Variants in MCCC1 observed in about 807,000 individuals in gnomAD.
MCCC1 encodes the protein methylcrotonyl-CoA carboxylase subunit 1, also known as methylcrotonoyl-CoA carboxylase subunit alpha, mitochondrial.
Under a neutral mutation model 83.8 loss-of-function variants are expected in MCCC1, and 64 were observed. The observed-to-expected ratio is 0.76, with a 90% confidence interval of 0.62 to 0.94. MCCC1 has a LOEUF of 0.94. MCCC1 is among the 40% of genes least tolerant of loss of function. The pLI, the probability that MCCC1 is intolerant of heterozygous loss-of-function variation, is 0.00. For synonymous variants in MCCC1, 322 were observed against 315.4 expected, an observed-to-expected ratio of 1.02 and a Z score of -0.22; for missense variants, 807 against 904.7, an observed-to-expected ratio of 0.89 and a Z score of 1.39.
rs1715507310 is a variant in MCCC1 at position 183,057,438 on chromosome 3, C to T, written c.762-16G>A. On this transcript the variant is annotated splice_polypyrimidine_tract_variant and intron_variant, in intron 7 of 18. Transcript: ENST00000265594. ...TTCTACATGCCTATATAAAAGCAAACATGTATGTTAATATATTTGTTAGGG... is the reference window on the plus strand; with the variant it reads ...TTCTACATGCCTATATAAAAGCAAATATGTATGTTAATATATTTGTTAGGG... 1 of 1,563,216 alleles carries T rather than the reference C, an allele frequency of 6.4e-7. No homozygotes were observed.
intron 3 of MCCC1, among the ~76,000 whole-genome samples, chr3:183,089,337 G>A (rs1004844316): frequency 6.6e-6 from 1 of 152,166 alleles, no homozygotes; most frequent in African/African-American, 2.4e-5. Flanking sequence ...TACTTAGGAG[G>A]CTGCAGCATT....
chr3:183,024,319 C>A (rs1712407174), intron 15 of MCCC1, among the ~76,000 whole-genome samples: 1 of 152,014 alleles, frequency 6.6e-6, no homozygotes, highest in South Asian at 2.1e-4. Flanking sequence ...CTCATAAGTA[C>A]ACAGTGGAAT....
At chr3:183,051,764 G>T (rs1714998246) in intron 9 of MCCC1, among the ~76,000 whole-genome samples, 1 of 143,250 alleles carries the variant, frequency 7.0e-6, no homozygotes, top group South Asian at 2.3e-4. Context: ...TGTGTGTTGG[G>T]GGGTATCCGA....
Position 183,059,062 on chromosome 3 carries a change from C to T in MCCC1, c.762-1640G>A, listed in dbSNP as rs535254788. Among the ~76,000 whole-genome samples, 41 of 152,278 alleles carry T rather than the reference C, an allele frequency of 2.7e-4. 1 individual carries two copies. The South Asian group carries it at 7.9e-3, about 29-fold the overall frequency. ...TTGGTGCACACCTGTAATCCCAGCACTTTGGGAAGCCAAGGCAGGCAGATC... is the reference window on the plus strand; with the variant it reads ...TTGGTGCACACCTGTAATCCCAGCATTTTGGGAAGCCAAGGCAGGCAGATC... On this transcript the variant is annotated intron_variant, in intron 7 of 18. Transcript: ENST00000265594.
Position 183,015,480 on chromosome 3 carries a change from G to C in MCCC1, c.2136C>G (p.Val712=). ...GAQANRHTPL[V]EFEEEESDKR... Reference sequence around the variant, plus strand: ...TGTCTGATTCTTCCTCCTCAAACTCGACTAAAGGAGTGTGTCTGTTGGCCT... The same window carrying C: ...TGTCTGATTCTTCCTCCTCAAACTCCACTAAAGGAGTGTGTCTGTTGGCCT... Residue 712 remains valine (V), a synonymous_variant, in exon 19 of 19, where the codon GTC becomes GTG. Transcript: ENST00000265594. 6.2e-7 allele frequency: 1 copy of C among 1,614,056 alleles called. No homozygotes were observed. The highest frequency in any genetic ancestry group is 8.5e-7 in the Non-Finnish European group (1 of 1,180,002).
At chr3:183,060,510 GC>G (rs1354272867) in intron 7 of MCCC1, among the ~76,000 whole-genome samples, 2 of 152,182 alleles carry the variant, frequency 1.3e-5, no homozygotes, top group African/African-American at 4.8e-5. Flanking sequence ...CAGCTATTTT[GC>G]TATACGACTG....
intron 4 of MCCC1, among the ~76,000 whole-genome samples, chr3:183,081,545 T>C (rs927396968): frequency 1.3e-5 from 2 of 152,160 alleles, no homozygotes; most frequent in Admixed American, 6.5e-5. Flanking sequence ...GTCCTTTCCA[T>C]GGTGAAGCGG....
At chr3:183,039,516 C>T (rs961757934) in intron 11 of MCCC1, among the ~76,000 whole-genome samples, 1 of 152,192 alleles carries the variant, frequency 6.6e-6, no homozygotes, top group African/African-American at 2.4e-5. Context: ...CTTTCAGTTT[C>T]CGTACTAGTC....
At chr3:183,056,975 G>A (rs778930800) in intron 8 of MCCC1, among the ~76,000 whole-genome samples, 4 of 152,206 alleles carry the variant, frequency 2.6e-5, no homozygotes, top group East Asian at 1.9e-4. Flanking sequence ...GACTACAGGC[G>A]TGAGCCACCG....
At chr3:183,037,472 G>T (rs759892242) in intron 12 of MCCC1, 38 bp from the exon 13 acceptor site, 2 of 1,503,152 alleles carry the variant, frequency 1.3e-6, no homozygotes, top group South Asian at 2.3e-5. Flanking sequence ...TGCTGAGTGG[G>T]GAAAACAATA....
chr3:183,042,369 C>T (rs1714161679), intron 10 of MCCC1, among the ~76,000 whole-genome samples: 1 of 152,080 alleles, frequency 6.6e-6, no homozygotes, highest in Non-Finnish European at 1.5e-5. Flanking sequence ...TTATTATGTA[C>T]CAATACAACA....
intron 14 of MCCC1, among the ~76,000 whole-genome samples, chr3:183,032,777 G>A (rs1713187768): frequency 6.6e-6 from 1 of 151,990 alleles, no homozygotes; most frequent in Admixed American, 6.6e-5. Flanking sequence ...GGGAGGCTGA[G>A]GCATGAGAAT....
chr3:183,028,557 T>C (rs1712792667), intron 14 of MCCC1, among the ~76,000 whole-genome samples: 1 of 152,188 alleles, frequency 6.6e-6, no homozygotes, highest in Non-Finnish European at 1.5e-5. Context: ...TTAAGAACAT[T>C]TGTGATTCAT....
chr3:183,017,239 T>C lies in MCCC1; in HGVS notation c.2049+27A>G, dbSNP rs776063519. On this transcript the variant is annotated intron_variant, in intron 18 of 18. Transcript: ENST00000265594. ...GGTATGATTGCTCCCAAAGTCCTCA[T>C]AGCAAATGAACTCATGATTTCCTTA... The C allele has an allele frequency of 1.9e-5, 30 of 1,606,038 alleles. No homozygotes were observed. The South Asian group carries it at 2.4e-4, about 13-fold the overall frequency.
At chr3:183,019,898 T>C (rs1358084874) in intron 17 of MCCC1, among the ~76,000 whole-genome samples, 1 of 152,260 alleles carries the variant, frequency 6.6e-6, no homozygotes, top group African/African-American at 2.4e-5. Flanking sequence ...TGTACTTTGA[T>C]GCAAATGCCT....
At chr3:183,089,298 G>A (rs1718141360) in intron 3 of MCCC1, among the ~76,000 whole-genome samples, 1 of 152,146 alleles carries the variant, frequency 6.6e-6, no homozygotes, top group African/African-American at 2.4e-5. Context: ...CTGGGGGTGG[G>A]GGACAGTTAA....
At chr3:183,020,018 G>T in intron 17 of MCCC1, 112 bp downstream of exon 17, 2 of 795,802 alleles carry the variant, frequency 2.5e-6, no homozygotes, top group Non-Finnish European at 4.3e-6. Flanking sequence ...TTGTGAAGTG[G>T]ATGCTTTCCA....
intron 17 of MCCC1, 37 bp from the exon 18 acceptor site, chr3:183,017,374 A>G: frequency 6.3e-7 from 1 of 1,597,552 alleles, no homozygotes; most frequent in Non-Finnish European, 8.6e-7. Context: ...ATTTGAAAAC[A>G]CAGAGGTCCT....
chr3:183,113,352 G>A (rs1719532453), intron 1 of MCCC1, among the ~76,000 whole-genome samples: 1 of 148,130 alleles, frequency 6.8e-6, no homozygotes. Context: ...TCACTGATAG[G>A]TGGGAATTGA....
Sources: gnomAD v4.1 joint callset for allele counts (sites outside exome capture counted in the v4.1 genomes callset) on GRCh38, gnomAD v4.1.1 for gene constraint, MANE v1.5 for transcripts, NCBI Gene and HGNC (gene_info 2026-07-23, HGNC 2026-07-21) for gene names.